Variants in AREL1 observed in about 807,000 individuals in gnomAD.
AREL1 encodes apoptosis-resistant E3 ubiquitin protein ligase 1.
In AREL1, 62 loss-of-function variants were observed where a neutral mutation model predicts 99.0. That is an observed-to-expected ratio of 0.63 (90% CI 0.51 to 0.77). The LOEUF (loss-of-function observed/expected upper bound fraction) is 0.77, where lower values mean the gene tolerates loss of function less well. AREL1 is among the 30% of genes least tolerant of loss of function. The pLI is 0.00. For synonymous variants in AREL1, 380 were observed against 376.5 expected (o/e 1.01, Z -0.11); for missense variants, 879 against 1,027.6 (o/e 0.86, Z 1.98).
intron 5 of AREL1, among the ~76,000 whole-genome samples, chr14:74,679,235 C>A (rs1234802157): frequency 4.6e-5 from 7 of 152,124 alleles, no homozygotes; most frequent in African/African-American, 1.4e-4. Context: ...TCAGCCTGAG[C>A]AACATGGCAA....
intron 7 of AREL1, 27 bp downstream of exon 7, chr14:74,676,114 C>G (rs770063917): frequency 6.2e-7 from 1 of 1,604,298 alleles, no homozygotes; most frequent in Non-Finnish European, 8.5e-7. Context: ...AAGAACAGCA[C>G]TAAATCATAC....
chr14:74,674,885 T>C (rs957187615), intron 8 of AREL1, among the ~76,000 whole-genome samples: 2 of 152,106 alleles, frequency 1.3e-5, no homozygotes, highest in African/African-American at 2.4e-5. Context: ...GGAGGCAAGA[T>C]GGGGTGAGCT....
Position 74,684,621 on chromosome 14 carries a change from C to T in AREL1, c.76G>A (p.Ala26Thr). 6.2e-7 allele frequency: 1 copy of T among 1,614,206 alleles called. No homozygotes were observed. Among genetic ancestry groups the T allele is most frequent in the Non-Finnish European group, 8.5e-7 (1 of 1,180,032 alleles). Residue 26 changes from alanine (A) to threonine (T), a missense_variant, in exon 4 of 20, where the codon GCC (alanine) becomes ACC (threonine). Physicochemically the swap from Ala to Thr is moderately conservative, Grantham distance 58 (BLOSUM62 0). Transcript: ENST00000356357. ...FFTIKFLFEL[A>T]ARVVSFLQNE... Reference sequence around the variant, plus strand: ...TGGAGGAAGCTGACTACACGTGCGGCAAGCTCAAAGAGGAACTTAATTGTG... The same window carrying T: ...TGGAGGAAGCTGACTACACGTGCGGTAAGCTCAAAGAGGAACTTAATTGTG...
In AREL1 at chr14:74,685,627, A is replaced by G. The variant is rs757955274; in HGVS notation, c.-12T>C. 3 of 1,614,212 alleles carry G rather than the reference A, an allele frequency of 1.9e-6. No homozygotes were observed. The highest frequency in any genetic ancestry group is 2.5e-6 in the Non-Finnish European group (3 of 1,180,026). On this transcript the variant is annotated 5_prime_UTR_variant, in exon 3 of 20. Coordinates refer to ENST00000356357, the MANE Select transcript of AREL1 (RefSeq NM_001039479.2). ...ATAACGTAAAACATCAGGTCCCGTC[A>G]ATGCCAACAGACAGCCGAGGATCAC... is the stretch of plus-strand genomic sequence containing the variant.
rs772567310 is a variant in AREL1 at position 74,683,510 on chromosome 14, A to G, written c.267T>C (p.Pro89=). The G allele has an allele frequency of 6.2e-7, 1 of 1,614,118 alleles. No homozygotes were observed. ...GTCCCACAGGCCGATGTGCAGGGAA[A>G]GGCTGCCCGTTCTTATAGAATAACT... is the stretch of plus-strand genomic sequence containing the variant. ...RVHLFYKNGQ[P]FPAHRPVGLR... Residue 89 remains proline (P), a synonymous_variant, in exon 5 of 20, where the codon CCT becomes CCC. Coordinates refer to ENST00000356357, the MANE Select transcript of AREL1 (RefSeq NM_001039479.2).
intron 1 of AREL1, among the ~76,000 whole-genome samples, chr14:74,696,352 C>T (rs115536512): frequency 0.02 from 3,018 of 152,232 alleles, 89 homozygotes; most frequent in African/African-American, 0.069. Context: ...GACTTGATGG[C>T]TTTATTCTTC....
Position 74,662,423 on chromosome 14 carries a change from A to T in AREL1, c.*1297T>A. ...CAGCAAAGCCTTCTTAAAAACACAAATTTGGGAAGTCAATGAGATTTTGAA... is the reference window on the plus strand; with the variant it reads ...CAGCAAAGCCTTCTTAAAAACACAATTTTGGGAAGTCAATGAGATTTTGAA... On this transcript the variant is annotated 3_prime_UTR_variant, in exon 20 of 20. Coordinates refer to ENST00000356357, the MANE Select transcript of AREL1 (RefSeq NM_001039479.2). 1 of 396,326 alleles carries T rather than the reference A, an allele frequency of 2.5e-6. No individual in the cohort carries two copies. The highest frequency in any genetic ancestry group is 4.4e-5 in the Admixed American group (1 of 22,696). The allele number at this position is 396,326 out of a possible 1,614,324, so 24.6% of individuals were successfully genotyped here. A position where few individuals can be genotyped will look rare whatever the true frequency, so the allele number is the denominator to read the frequency against.
chr14:74,688,019 CTTTTTTTTTTTTTTTTT>C (rs764034669), intron 2 of AREL1, among the ~76,000 whole-genome samples: 6 of 108,704 alleles, frequency 5.5e-5, no homozygotes, highest in Admixed American at 1.9e-4. Context: ...TGAGTACTTA[CTTTTTTTTTTTTTTTTT>C]TTTTTTTTTG....
At chr14:74,696,312 T>A (rs1441799567) in intron 1 of AREL1, among the ~76,000 whole-genome samples, 1 of 152,236 alleles carries the variant, frequency 6.6e-6, no homozygotes, top group Non-Finnish European at 1.5e-5. Context: ...AAACTTGCAA[T>A]GTTATGCAAA....
intron 2 of AREL1, among the ~76,000 whole-genome samples, chr14:74,689,799 T>A (rs370581767): frequency 2.7e-4 from 41 of 151,754 alleles, no homozygotes; most frequent in African/African-American, 9.2e-4. Flanking sequence ...TTTCTCCATG[T>A]TGGTCAGGCT....
In AREL1 at chr14:74,669,665, G is replaced by A. The variant is rs1233901995; in HGVS notation, c.1898C>T (p.Ser633Leu). 6.2e-7 allele frequency: 1 copy of A among 1,614,004 alleles called. No individual in the cohort carries two copies. Among genetic ancestry groups the A allele is most frequent in the Non-Finnish European group, 8.5e-7 (1 of 1,179,976 alleles). The part of the protein sequence containing the change: ...LVFAEEKYNK[S>L]GQLDKVVELM... ...CTTTCTCACCTTATCCAATTGACCT[G>A]ATTTATTATATTTCTCTTCTGCAAA... The change falls in exon 15 of 20, where the codon TCA (serine) becomes TTA (leucine). Residue 633 changes from serine to leucine, a missense_variant. By Grantham distance (145) the Ser-to-Leu change is moderately radical. Coordinates refer to ENST00000356357, the MANE Select transcript of AREL1 (RefSeq NM_001039479.2).
In AREL1 at chr14:74,662,237, C is replaced by T. The variant is rs1460612998; in HGVS notation, c.*1483G>A. On this transcript the variant is annotated 3_prime_UTR_variant, in exon 20 of 20. Coordinates refer to ENST00000356357, the MANE Select transcript of AREL1 (RefSeq NM_001039479.2). Reference sequence around the variant, plus strand: ...TAGCAGCTCAGGAGGGCTTGTTCCTCATGATCCCTGCGAACAGGAGGGCTC... The same window carrying T: ...TAGCAGCTCAGGAGGGCTTGTTCCTTATGATCCCTGCGAACAGGAGGGCTC... 9.1e-6 allele frequency: 2 copies of T among 220,728 alleles called. No individual in the cohort carries two copies. Among genetic ancestry groups the T allele is most frequent in the African/African-American group, 2.3e-5 (1 of 44,214 alleles). 13.7% of individuals were successfully genotyped at this position (220,728 alleles called of 1,614,324 possible).
intron 1 of AREL1, among the ~76,000 whole-genome samples, chr14:74,702,146 G>A (rs1359259363): frequency 1.3e-5 from 2 of 152,306 alleles, no homozygotes; most frequent in East Asian, 1.9e-4. Flanking sequence ...TCTGGAGGAC[G>A]GTGGCCCTCT....
intron 17 of AREL1, 123 bp downstream of exon 17, chr14:74,667,196 G>A: frequency 8.8e-7 from 1 of 1,142,818 alleles, no homozygotes. Flanking sequence ...CGACAAAAGT[G>A]AAACCACCTC....
intron 5 of AREL1, among the ~76,000 whole-genome samples, chr14:74,677,488 CCTGT>C (rs1371406920): frequency 6.7e-6 from 1 of 149,482 alleles, no homozygotes; most frequent in Non-Finnish European, 1.5e-5. Flanking sequence ...AAAGGGAGAC[CCTGT>C]CTCTCTCCTT....
chr14:74,702,878 C>T (rs986491135), intron 1 of AREL1, among the ~76,000 whole-genome samples: 6 of 152,138 alleles, frequency 3.9e-5, no homozygotes, highest in South Asian at 2.1e-4. Flanking sequence ...ACCTTTGCTC[C>T]AGTTCCCAAC....
intron 2 of AREL1, among the ~76,000 whole-genome samples, chr14:74,690,553 C>T (rs1388385137): frequency 6.6e-6 from 1 of 152,154 alleles, no homozygotes; most frequent in East Asian, 1.9e-4. Flanking sequence ...GATTCCCATG[C>T]ATGGTATTTT....
At position 74,662,508 on chromosome 14, in the gene AREL1, C is replaced by A; in HGVS notation, c.*1212G>T. On this transcript the variant is annotated 3_prime_UTR_variant, in exon 20 of 20. Coordinates refer to ENST00000356357, the MANE Select transcript of AREL1 (RefSeq NM_001039479.2). ...AAGGATGTTGTCATCTTCCAAGATA[C>A]AGCAGCAGGTACTCTTCAATCATCA... The A allele has an allele frequency of 2.5e-6, 1 of 398,720 alleles. No homozygotes were observed. Among genetic ancestry groups the A allele is most frequent in the Non-Finnish European group, 4.4e-6 (1 of 226,038 alleles). 24.7% of individuals were successfully genotyped at this position (398,720 alleles called of 1,614,324 possible).
chr14:74,685,653 A>G lies in AREL1; in HGVS notation c.-38T>C, dbSNP rs769666160. On this transcript the variant is annotated 5_prime_UTR_variant, in exon 3 of 20. Transcript: ENST00000356357. ...ATGCCAACAGACAGCCGAGGATCAC[A>G]GCTGCAGCTGTTAAAAGAAAACTTG... 6.2e-7 allele frequency: 1 copy of G among 1,613,690 alleles called. No individual in the cohort carries two copies.
Sources: allele counts gnomAD v4.1 joint callset (sites outside exome capture counted in the v4.1 genomes callset), GRCh38; gene constraint gnomAD v4.1.1; transcripts MANE v1.5; gene names NCBI Gene and HGNC (gene_info 2026-07-23, HGNC 2026-07-21).